The following XRCC4 variants were observed in gnomAD, a reference collection of about 807,000 sequenced individuals.
XRCC4 encodes the protein X-ray repair cross complementing 4, also known as DNA repair protein XRCC4.
In XRCC4, 28 loss-of-function variants were observed where a neutral mutation model predicts 39.1. That is an observed-to-expected ratio of 0.72 (90% CI 0.53 to 0.98). The LOEUF (loss-of-function observed/expected upper bound fraction) is 0.98. Ranked by LOEUF, XRCC4 falls within the 50% of genes least tolerant of loss-of-function variation. XRCC4 has a pLI of 0.00. For synonymous variants in XRCC4, 123 were observed against 126.4 expected, an observed-to-expected ratio of 0.97 and a Z score of 0.18; for missense variants, 350 against 376.4, an observed-to-expected ratio of 0.93 and a Z score of 0.58.
chr5:83,130,136 C>T (rs190882674), intron 3 of XRCC4, among the ~76,000 whole-genome samples: 42 of 152,156 alleles, frequency 2.8e-4, no homozygotes, highest in African/African-American at 7.2e-4. Flanking sequence ...TTTTGAGATA[C>T]GTCCCATCAA....
chr5:83,149,215 GAA>G (rs1748597291), intron 3 of XRCC4, among the ~76,000 whole-genome samples: 1 of 152,156 alleles, frequency 6.6e-6, no homozygotes, highest in African/African-American at 2.4e-5. Flanking sequence ...TGAAATGTGA[GAA>G]AAGTCTCTCT....
chr5:83,228,136 A>G (rs1752359732), intron 6 of XRCC4, among the ~76,000 whole-genome samples: 1 of 152,102 alleles, frequency 6.6e-6, no homozygotes, highest in South Asian at 2.1e-4. Context: ...GAAAGAAACT[A>G]GGTATCTATA....
At chr5:83,213,292 G>A (rs1751726237) in intron 6 of XRCC4, among the ~76,000 whole-genome samples, 1 of 151,752 alleles carries the variant, frequency 6.6e-6, no homozygotes, top group African/African-American at 2.4e-5. Context: ...TGAATCTACA[G>A]GAAGAAATAA....
rs59416363 is a variant in XRCC4, at chr5:83,217,358, C to CAAAAAAAAAAAAAAAAAAAAA, written c.745+12456_745+12457insAAAAAAAAAAAAAAAAAAAAA. Among the ~76,000 whole-genome samples the CAAAAAAAAAAAAAAAAAAAAA allele has an allele frequency of 1.9e-3, 186 of 96,110 alleles. 5 individuals carry two copies. The highest frequency in any genetic ancestry group is 8.6e-3 in the African/African-American group (182 of 21,224). 63.1% of individuals were successfully genotyped at this position (96,110 alleles called of 152,430 possible). ...GGCAGCGCAGAGCAAGACTCCGTCT[C>CAAAAAAAAAAAAAAAAAAAAA]AAAAAAAAAAAAAAAAAAACCATTG... On this transcript the variant is annotated intron_variant, in intron 6 of 7. Transcript: ENST00000396027.
intron 1 of XRCC4, among the ~76,000 whole-genome samples, chr5:83,095,009 G>A (rs1401983743): frequency 6.6e-6 from 1 of 150,588 alleles, no homozygotes; most frequent in Non-Finnish European, 1.5e-5. Flanking sequence ...GTGTCCTTGT[G>A]TTGGTGTTTG....
At chr5:83,167,789 A>G (rs184967460) in intron 3 of XRCC4, among the ~76,000 whole-genome samples, 19 of 152,344 alleles carry the variant, frequency 1.2e-4, no homozygotes, top group Non-Finnish European at 7.3e-5. Flanking sequence ...CAAAGCCTGC[A>G]CAGATGAGAA....
intron 2 of XRCC4, among the ~76,000 whole-genome samples, 153 bp downstream of exon 2, chr5:83,105,211 C>A (rs1746141648): frequency 6.6e-6 from 1 of 152,186 alleles, no homozygotes; most frequent in African/African-American, 2.4e-5. Context: ...ATATTTAATG[C>A]CACTTTCTAT....
intron 1 of XRCC4, among the ~76,000 whole-genome samples, chr5:83,080,531 A>G (rs1338821268): frequency 6.6e-6 from 1 of 152,116 alleles, no homozygotes; most frequent in Non-Finnish European, 1.5e-5. Context: ...ATCTCAAAAA[A>G]AAAAAAAAAA....
intron 7 of XRCC4, among the ~76,000 whole-genome samples, chr5:83,260,187 T>G (rs1753702112): frequency 1.3e-5 from 2 of 152,028 alleles, no homozygotes; most frequent in African/African-American, 4.8e-5. Flanking sequence ...GCTCATAGAG[T>G]TCAAGGCATA....
At chr5:83,128,267 TC>T (rs1361573871) in intron 3 of XRCC4, among the ~76,000 whole-genome samples, 1 of 152,176 alleles carries the variant, frequency 6.6e-6, no homozygotes, top group African/African-American at 2.4e-5. Flanking sequence ...AATGATGGTT[TC>T]CAGCTTCATC....
chr5:83,208,498 A>G (rs1186609154), intron 6 of XRCC4, among the ~76,000 whole-genome samples: 3 of 152,048 alleles, frequency 2.0e-5, no homozygotes, highest in Non-Finnish European at 4.4e-5. Flanking sequence ...GGGTATTACA[A>G]TTTGAAGGAA....
chr5:83,097,283 G>A (rs11956525), intron 1 of XRCC4, among the ~76,000 whole-genome samples: 2,286 of 151,398 alleles, frequency 0.015, 54 homozygotes, highest in African/African-American at 0.051. Flanking sequence ...ATTGTGAAAT[G>A]TTGGTAATTT....
intron 7 of XRCC4, among the ~76,000 whole-genome samples, chr5:83,316,682 G>A (rs1755898874): frequency 8.2e-6 from 1 of 121,348 alleles, no homozygotes; most frequent in Non-Finnish European, 1.7e-5. Context: ...ACCCAATACA[G>A]GAGCACCCAG....
intron 7 of XRCC4, among the ~76,000 whole-genome samples, chr5:83,344,128 T>TCACA (rs10642662): frequency 0.057 from 7,644 of 134,818 alleles, 346 homozygotes; most frequent in East Asian, 0.18. Context: ...CTGACACAGA[T>TCACA]CTCACACACA....
At chr5:83,168,014 A>G (rs370324548) in intron 3 of XRCC4, among the ~76,000 whole-genome samples, 1 of 152,218 alleles carries the variant, frequency 6.6e-6, no homozygotes, top group East Asian at 1.9e-4. Context: ...AATGTAACAA[A>G]GGAAAATAAA....
Position 83,342,636 on chromosome 5 carries a change from C to T in XRCC4, c.894-10495C>T, listed in dbSNP as rs16900341. 6.7e-3 allele frequency among the ~76,000 whole-genome samples: 1,027 copies of T among 152,220 alleles called. 13 individuals are homozygous for T. The highest frequency in any genetic ancestry group is 0.023 in the African/African-American group (952 of 41,552). Reference sequence around the variant, plus strand: ...CTTCTCTTTTTATTTTCTAGGCCAACGAAATGACGTGTAGGCCTAGTGAAT... The same window carrying T: ...CTTCTCTTTTTATTTTCTAGGCCAATGAAATGACGTGTAGGCCTAGTGAAT... On this transcript the variant is annotated intron_variant, in intron 7 of 7. Coordinates refer to ENST00000396027, the MANE Select transcript of XRCC4 (RefSeq NM_003401.5).
chr5:83,328,387 A>C (rs936598503), intron 7 of XRCC4, among the ~76,000 whole-genome samples: 5 of 152,136 alleles, frequency 3.3e-5, no homozygotes, highest in African/African-American at 1.2e-4. Flanking sequence ...ATCTATAGGT[A>C]AATACTTTGA....
chr5:83,332,856 A>G (rs888476321), intron 7 of XRCC4, among the ~76,000 whole-genome samples: 2 of 152,208 alleles, frequency 1.3e-5, no homozygotes, highest in Non-Finnish European at 2.9e-5. Flanking sequence ...GGTGAAGAGC[A>G]TGGAGGAGAC....
intron 3 of XRCC4, among the ~76,000 whole-genome samples, chr5:83,115,185 T>C (rs1050135720): frequency 1.3e-4 from 20 of 152,232 alleles, no homozygotes; most frequent in African/African-American, 4.1e-4. Context: ...CCCAGCACTT[T>C]GGGAGGCTGA....
Sources: gnomAD v4.1 joint callset for allele counts (sites outside exome capture counted in the v4.1 genomes callset) on GRCh38, gnomAD v4.1.1 for gene constraint, MANE v1.5 for transcripts, NCBI Gene and HGNC (gene_info 2026-07-23, HGNC 2026-07-21) for gene names.